Variants in COL1A1 observed in about 807,000 individuals in gnomAD.
COL1A1 encodes the protein collagen alpha-1(I) chain.
COL1A1 carries 21 observed loss-of-function variants against 195.7 expected under a neutral mutation model. The observed-to-expected ratio is 0.11, with a 90% CI of 0.08 to 0.15. COL1A1 has a LOEUF of 0.15. COL1A1 is among the 10% of genes least tolerant of loss of function. The probability of loss-of-function intolerance (pLI) is 1.00; values close to 1 mark genes in which losing one functional copy is unlikely to be tolerated. For synonymous variants in COL1A1, 749 were observed against 747.3 expected (o/e 1.00, Z -0.04); for missense variants, 1,365 against 2,051.0 (o/e 0.67, Z 6.46).
Position 50,188,598 on chromosome 17 carries a change from C to A in COL1A1, c.3139G>T (p.Ala1047Ser). The A allele has an allele frequency of 6.2e-7, 1 of 1,613,976 alleles. No individual in the cohort carries two copies. Among genetic ancestry groups the A allele is most frequent in the Non-Finnish European group, 8.5e-7 (1 of 1,179,970 alleles). Residue 1047 changes from alanine (A) to serine (S), a missense_variant, in exon 43 of 51, where the codon GCT becomes TCT. Transcript: ENST00000225964. The surrounding 1 kb of genome is among the most constrained non-coding windows in gnomAD (Gnocchi z 5.6). ...CCAGGGGCACCAGGAGCACCAGGAGCACCAGGGGGTCCAGCGGGGCCGGTC... is the reference window on the plus strand; with the variant it reads ...CCAGGGGCACCAGGAGCACCAGGAGAACCAGGGGGTCCAGCGGGGCCGGTC... The part of the protein sequence containing the change: ...GETGPAGPPG[A>S]PGAPGAPGPV...
chr17:50,187,392 G>T, intron 46 of COL1A1, 92 bp downstream of exon 46: 1 of 1,311,162 alleles, frequency 7.6e-7, no homozygotes, highest in Non-Finnish European at 1.1e-6. Flanking sequence ...CCCTTCTCCA[G>T]AGAGGCAAAG....
Position 50,189,365 on chromosome 17 carries a change from G to A in COL1A1, c.2829+12C>T. On this transcript the variant is annotated intron_variant, in intron 39 of 50. Transcript: ENST00000225964. This position sits in a 1 kb window ranked among gnomAD's most constrained non-coding sequence, Gnocchi z 5.5. ...CACCTCCGGAGCTGCAGAGATCTGAGCTGGCACTTACAGCAGGACCATCAG... is the reference window on the plus strand; with the variant it reads ...CACCTCCGGAGCTGCAGAGATCTGAACTGGCACTTACAGCAGGACCATCAG... 3 of 1,613,848 alleles carry A rather than the reference G, an allele frequency of 1.9e-6. No homozygotes were observed. The highest frequency in any genetic ancestry group is 1.7e-6 in the Non-Finnish European group (2 of 1,179,986).
In COL1A1 at chr17:50,185,807, T is replaced by C; in HGVS notation, c.4219A>G (p.Thr1407Ala). 1.2e-6 allele frequency: 2 copies of C among 1,613,906 alleles called. No homozygotes were observed. The highest frequency in any genetic ancestry group is 3.3e-5 in the Admixed American group (2 of 60,024). The change falls in exon 50 of 51, where the codon ACC becomes GCC. Residue 1407 changes from threonine to alanine, a missense_variant. By Grantham distance (58) the Thr-to-Ala change is moderately conservative (BLOSUM62 0). This residue lies in a region of COL1A1 where 273 missense variants were observed against 338.6 expected (regional missense o/e 0.81). Coordinates refer to ENST00000225964, the MANE Select transcript of COL1A1 (RefSeq NM_000088.4). ...EIRAEGNSRF[T>A]YSVTVDGCTS... The stretch of plus-strand genomic sequence containing the variant: ...CAGCCATCGACAGTGACGCTGTAGG[T>C]GAAGCGGCTGTTGCCCTCGGCGCGG...
Position 50,192,799 on chromosome 17 carries a change from C to T in COL1A1, c.1873G>A (p.Ala625Thr), listed in dbSNP as rs149561221. ...EAGAQGPPGPAGPAGERGEQG... is the reference protein window; with the variant it reads ...EAGAQGPPGPTGPAGERGEQG... Reference sequence around the variant, plus strand: ...ATCTCCCCATCAGGGACACTCACAGCAGGGCCAGGGGGTCCCTGAGCTCCA... The same window carrying T: ...ATCTCCCCATCAGGGACACTCACAGTAGGGCCAGGGGGTCCCTGAGCTCCA... Residue 625 changes from alanine (A) to threonine (T), a missense_variant and splice_region_variant, in exon 27 of 51, where the codon GCT (alanine) becomes ACT (threonine). Ala to Thr is a moderately conservative substitution (Grantham distance 58). Transcript: ENST00000225964. The T allele has an allele frequency of 3.4e-4, 550 of 1,614,108 alleles. 2 individuals are homozygous for T. In the African/African-American group the frequency reaches 4.2e-3, roughly 12 times the overall value.
chr17:50,191,507 A>G lies in COL1A1; in HGVS notation c.2128-17T>C. ...AGCATCACCCTATGTGACAACCAAG[A>G]AGACTGGAGTGAGGCCTGGGGCCCC... On this transcript the variant is annotated splice_polypyrimidine_tract_variant and intron_variant, in intron 31 of 50. Coordinates refer to ENST00000225964, the MANE Select transcript of COL1A1 (RefSeq NM_000088.4). 6.2e-7 allele frequency: 1 copy of G among 1,612,414 alleles called. No homozygotes were observed. The highest frequency in any genetic ancestry group is 2.2e-5 in the East Asian group (1 of 44,844).
intron 31 of COL1A1, 114 bp from the exon 32 acceptor site, chr17:50,191,604 G>A: frequency 2.5e-6 from 3 of 1,184,124 alleles, no homozygotes; most frequent in South Asian, 1.3e-5. Context: ...GACAAGCCTT[G>A]AGAAAAGATG....
Position 50,187,101 on chromosome 17 carries a change from C to G in COL1A1, c.3445G>C (p.Ala1149Pro). ...GPRGPPGSAG[A>P]PGKDGLNGLP... Reference sequence around the variant, plus strand: ...CCGTTGAGTCCATCTTTGCCAGGAGCACCAGCAGAGCCAGGGGGACCCTGG... The same window carrying G: ...CCGTTGAGTCCATCTTTGCCAGGAGGACCAGCAGAGCCAGGGGGACCCTGG... The change falls in exon 47 of 51, where the codon GCT becomes CCT. Residue 1149 changes from alanine (A) to proline (P), a missense_variant. By Grantham distance (27) the Ala-to-Pro change is conservative. Around this residue, in one of 5 missense-constraint regions of COL1A1, gnomAD observed 671 missense variants for 1,099.9 expected, o/e 0.61. Coordinates refer to ENST00000225964, the MANE Select transcript of COL1A1 (RefSeq NM_000088.4). 1 of 1,612,032 alleles carries G rather than the reference C, an allele frequency of 6.2e-7. No homozygotes were observed. The highest frequency in any genetic ancestry group is 8.5e-7 in the Non-Finnish European group (1 of 1,179,238).
chr17:50,199,394 C>G (rs1331306831), intron 4 of COL1A1, 24 bp downstream of exon 4: 1 of 1,613,238 alleles, frequency 6.2e-7, no homozygotes, highest in African/African-American at 1.3e-5. Context: ...TGCAGCCCCC[C>G]ACAGCCCAGA....
At position 50,191,368 on chromosome 17, in the gene COL1A1, G is replaced by A. The variant is rs754442679; in HGVS notation, c.2235+15C>T. On this transcript the variant is annotated intron_variant, in intron 32 of 50. Transcript: ENST00000225964. ...AGCCATGTAGGGCTCAGGGGAGGGGGAAGGTTGAACTTACTCTGTCACCCT... is the reference window on the plus strand; with the variant it reads ...AGCCATGTAGGGCTCAGGGGAGGGGAAAGGTTGAACTTACTCTGTCACCCT... 74 of 1,604,826 alleles carry A rather than the reference G, an allele frequency of 4.6e-5. No homozygotes were observed. Among genetic ancestry groups the A allele is most frequent in the Middle Eastern group, 1.6e-4 (1 of 6,068 alleles).
chr17:50,185,531 A>T lies in COL1A1; in HGVS notation c.4366T>A (p.Phe1456Ile), dbSNP rs1019705320. The change falls in exon 51 of 51, where the codon TTC becomes ATC. Residue 1456 changes from phenylalanine to isoleucine, a missense_variant. Physicochemically the swap from Phe to Ile is conservative, Grantham distance 21. This residue lies in a region of COL1A1 where 273 missense variants were observed against 338.6 expected (regional missense o/e 0.81). Transcript: ENST00000225964. ...DVGAPDQEFG[F>I]DVGPVCFL ...AGGAAGCAGACAGGGCCAACGTCGAAGCCGAATTCCTGGTCTGGGGCACCA... is the reference window on the plus strand; with the variant it reads ...AGGAAGCAGACAGGGCCAACGTCGATGCCGAATTCCTGGTCTGGGGCACCA... 1 of 1,613,226 alleles carries T rather than the reference A, an allele frequency of 6.2e-7. No homozygotes were observed. The highest frequency in any genetic ancestry group is 8.5e-7 in the Non-Finnish European group (1 of 1,179,918).
At position 50,191,377 on chromosome 17, in the gene COL1A1, A is replaced by G; in HGVS notation, c.2235+6T>C. Reference sequence around the variant, plus strand: ...GGGCTCAGGGGAGGGGGAAGGTTGAACTTACTCTGTCACCCTTAGGCCCTG... The same window carrying G: ...GGGCTCAGGGGAGGGGGAAGGTTGAGCTTACTCTGTCACCCTTAGGCCCTG... On this transcript the variant is annotated splice_donor_region_variant and intron_variant, in intron 32 of 50. Coordinates refer to ENST00000225964, the MANE Select transcript of COL1A1 (RefSeq NM_000088.4). 1 of 1,612,802 alleles carries G rather than the reference A, an allele frequency of 6.2e-7. No homozygotes were observed. Among genetic ancestry groups the G allele is most frequent in the Non-Finnish European group, 8.5e-7 (1 of 1,178,816 alleles).
chr17:50,194,312 G>C lies in COL1A1; in HGVS notation c.1614+37C>G. 1 of 1,610,110 alleles carries C rather than the reference G, an allele frequency of 6.2e-7. No homozygotes were observed. Among genetic ancestry groups the C allele is most frequent in the South Asian group, 1.1e-5 (1 of 90,996 alleles). Reference sequence around the variant, plus strand: ...CCCAGACCCTACACGGGATGGTCAGGGCCTGGCCAAGCCAGGCTGAAAGCC... The same window carrying C: ...CCCAGACCCTACACGGGATGGTCAGCGCCTGGCCAAGCCAGGCTGAAAGCC... On this transcript the variant is annotated intron_variant, in intron 23 of 50. Coordinates refer to ENST00000225964, the MANE Select transcript of COL1A1 (RefSeq NM_000088.4). This position sits in a 1 kb window ranked among gnomAD's most constrained non-coding sequence, Gnocchi z 6.8.
chr17:50,199,267 G>C lies in COL1A1; in HGVS notation c.430C>G (p.Pro144Ala). 2.0e-6 allele frequency: 3 copies of C among 1,506,458 alleles called. No individual in the cohort carries two copies. The highest frequency in any genetic ancestry group is 2.2e-4 in the Middle Eastern group (1 of 4,520). The allele number at this position is 1,506,458 out of a possible 1,614,324, so 93.3% of individuals were successfully genotyped here. ...GGTCCGGGAGGTCCGGGGGGTCCGG[G>C]GGGTCCGGGAAGTCCAGGCTGTCCA... ...IPGQPGLPGP[P>A]GPPGPPGPPG... is the part of the protein sequence containing the mutation. Residue 144 changes from proline (P) to alanine (A), a missense_variant, in exon 5 of 51, where the codon CCC becomes GCC. By Grantham distance (27) the Pro-to-Ala change is conservative. Coordinates refer to ENST00000225964, the MANE Select transcript of COL1A1 (RefSeq NM_000088.4).
chr17:50,185,429 G>T lies in COL1A1; in HGVS notation c.*73C>A, dbSNP rs1906402899. 1 of 1,589,352 alleles carries T rather than the reference G, an allele frequency of 6.3e-7. No individual in the cohort carries two copies. Among genetic ancestry groups the T allele is most frequent in the Non-Finnish European group, 8.6e-7 (1 of 1,158,898 alleles). On this transcript the variant is annotated 3_prime_UTR_variant, in exon 51 of 51. Transcript: ENST00000225964. ...TTGGCTTTTGAGGGGGTTCAGTTTG[G>T]GTTGCTTGTCTGTTTCCGGGTTGGG...
At chr17:50,187,746 C>G in intron 45 of COL1A1, 130 bp downstream of exon 45, 1 of 1,024,328 alleles carries the variant, frequency 9.8e-7, no homozygotes. Flanking sequence ...GACATGCCCA[C>G]AAATCTTCAG....
In COL1A1 at chr17:50,191,369, A is replaced by T. The variant is rs1454253975; in HGVS notation, c.2235+14T>A. 1 of 1,607,878 alleles carries T rather than the reference A, an allele frequency of 6.2e-7. No individual in the cohort carries two copies. Among genetic ancestry groups the T allele is most frequent in the Admixed American group, 1.7e-5 (1 of 59,996 alleles). ...GCCATGTAGGGCTCAGGGGAGGGGG[A>T]AGGTTGAACTTACTCTGTCACCCTT... is the stretch of plus-strand genomic sequence containing the variant. On this transcript the variant is annotated intron_variant, in intron 32 of 50. Transcript: ENST00000225964.
intron 1 of COL1A1, among the ~76,000 whole-genome samples, chr17:50,200,645 C>G (rs1165426531): frequency 6.6e-6 from 1 of 152,220 alleles, no homozygotes; most frequent in African/African-American, 2.4e-5. Flanking sequence ...ACTCCCACCG[C>G]GCTAGCGGCT....
chr17:50,195,874 A>G lies in COL1A1; in HGVS notation c.1056+49T>C. On this transcript the variant is annotated intron_variant, in intron 16 of 50. Coordinates refer to ENST00000225964, the MANE Select transcript of COL1A1 (RefSeq NM_000088.4). The surrounding 1 kb of genome is among the most constrained non-coding windows in gnomAD (Gnocchi z 4.3). ...TGGTTTGGGGAACAGGGAGACATGA[A>G]CCCCTTGGCCCATGAGGGTCATGCT... 6.5e-7 allele frequency: 1 copy of G among 1,548,312 alleles called. No individual in the cohort carries two copies. Among genetic ancestry groups the G allele is most frequent in the Non-Finnish European group, 8.8e-7 (1 of 1,142,394 alleles).
intron 32 of COL1A1, among the ~76,000 whole-genome samples, chr17:50,191,169 C>T (rs1907040302): frequency 6.6e-6 from 1 of 152,120 alleles, no homozygotes; most frequent in Non-Finnish European, 1.5e-5. Flanking sequence ...GGAGATGCCC[C>T]CACCTCTCAT....
Sources: allele counts gnomAD v4.1 joint callset (sites outside exome capture counted in the v4.1 genomes callset), GRCh38; gene constraint gnomAD v4.1.1; regional missense constraint gnomAD v4.1.1; non-coding constraint Gnocchi (gnomAD v3.1); transcripts MANE v1.5; gene names NCBI Gene and HGNC (gene_info 2026-07-23, HGNC 2026-07-21).